The following MEGF11 variants were observed in gnomAD, a reference collection of about 807,000 sequenced individuals.
MEGF11 encodes multiple epidermal growth factor-like domains protein 11.
In MEGF11, 126 loss-of-function variants were observed where a neutral mutation model predicts 146.6. The observed-to-expected ratio is 0.86, with a 90% confidence interval of 0.74 to 1.00. The LOEUF (loss-of-function observed/expected upper bound fraction) is 1.00, where lower values mean the gene tolerates loss of function less well. Among genes scored for constraint, MEGF11 ranks in the 50% least tolerant of loss-of-function variants. The pLI, the probability that MEGF11 is intolerant of heterozygous loss-of-function variation, is 0.00. For missense variants in MEGF11, 1,509 were observed against 1,521.2 expected, an observed-to-expected ratio of 0.99 and a Z score of 0.13; for synonymous variants, 532 against 583.4, an observed-to-expected ratio of 0.91 and a Z score of 1.27.
intron 1 of MEGF11, among the ~76,000 whole-genome samples, chr15:66,236,763 G>A (rs757398457): frequency 2.2e-4 from 34 of 152,078 alleles, no homozygotes; most frequent in Non-Finnish European, 3.8e-4. Flanking sequence ...TCCTGCCCCT[G>A]CTCAGCATCC....
Position 65,937,309 on chromosome 15 carries a change from C to CA in MEGF11, c.1288-6367dup, listed in dbSNP as rs1447005465. ...TGTGAGCTGGGGAGTTTGCATTTGGCATGTCATGTGCTTTGCTTAGCCTAG... is the reference window on the plus strand; with the variant it reads ...TGTGAGCTGGGGAGTTTGCATTTGGCAATGTCATGTGCTTTGCTTAGCCTAG... On this transcript the variant is annotated intron_variant, in intron 10 of 25. Coordinates refer to ENST00000395614, the MANE Select transcript of MEGF11 (RefSeq NM_001385028.1). Among the ~76,000 whole-genome samples, 3 of 152,310 alleles carry CA rather than the reference C, an allele frequency of 2.0e-5. No individual in the cohort carries two copies. In the East Asian group the frequency reaches 5.8e-4, roughly 29 times the overall value.
chr15:65,974,074 T>C (rs1368440065), intron 7 of MEGF11, among the ~76,000 whole-genome samples: 1 of 152,214 alleles, frequency 6.6e-6, no homozygotes, highest in Non-Finnish European at 1.5e-5. Flanking sequence ...GTTCCTCCAA[T>C]TAATTAATCA....
Position 65,922,903 on chromosome 15 carries a change from C to G in MEGF11, c.1742G>C (p.Cys581Ser), listed in dbSNP as rs201935452. ...WGPNCSVSCS[C>S]ENGGSCSPED... Reference sequence around the variant, plus strand: ...TGGGGAGCAGGAGCCTCCATTCTCACAGCTGCAGGAGACAGAGCAGTTGGG... The same window carrying G: ...TGGGGAGCAGGAGCCTCCATTCTCAGAGCTGCAGGAGACAGAGCAGTTGGG... The change falls in exon 14 of 26, where the codon TGT becomes TCT. Residue 581 changes from cysteine (C) to serine (S), a missense_variant. Transcript: ENST00000395614. The G allele has an allele frequency of 2.5e-4, 401 of 1,613,172 alleles. No individual in the cohort carries two copies. Among genetic ancestry groups the G allele is most frequent in the Non-Finnish European group, 3.0e-4 (357 of 1,179,722 alleles).
intron 5 of MEGF11, among the ~76,000 whole-genome samples, chr15:66,088,678 G>A (rs921671926): frequency 6.6e-6 from 1 of 150,890 alleles, no homozygotes. Context: ...AGGAAATTCC[G>A]ACACATGCTA....
intron 8 of MEGF11, among the ~76,000 whole-genome samples, chr15:65,967,363 T>C (rs369831628): frequency 2.0e-5 from 3 of 152,164 alleles, no homozygotes; most frequent in East Asian, 3.9e-4. Flanking sequence ...TTTAAGGAGT[T>C]AGTGTTTTAA....
At chr15:66,065,611 T>G (rs545189859) in intron 5 of MEGF11, among the ~76,000 whole-genome samples, 3 of 152,314 alleles carry the variant, frequency 2.0e-5, no homozygotes, top group Admixed American at 2.0e-4. Context: ...GAGGTGCCCT[T>G]GAAGTCCCAT....
intron 1 of MEGF11, among the ~76,000 whole-genome samples, chr15:66,211,086 C>A (rs540867604): frequency 5.4e-4 from 83 of 152,332 alleles, no homozygotes; most frequent in African/African-American, 1.8e-3. Context: ...CCAAAGACCA[C>A]TCCAAGGTGC....
At chr15:66,107,831 C>T (rs2087171077) in intron 4 of MEGF11, among the ~76,000 whole-genome samples, 1 of 152,218 alleles carries the variant, frequency 6.6e-6, no homozygotes, top group East Asian at 1.9e-4. Context: ...CTGCACGTTC[C>T]AGCACTGGGC....
intron 1 of MEGF11, among the ~76,000 whole-genome samples, chr15:66,218,305 C>T (rs1028628049): frequency 6.6e-6 from 1 of 152,188 alleles, no homozygotes; most frequent in African/African-American, 2.4e-5. Context: ...AAAGCCTGTT[C>T]CCAGGGCCAC....
Position 66,218,978 on chromosome 15 carries a change from G to GT in MEGF11, c.-9+34626_-9+34627insA, listed in dbSNP as rs1288273977. ...TATCAGAACAACTGGATATCCACAG[G>GT]CAAAAAAAAAAAAAAAAACCTTAAC... On this transcript the variant is annotated intron_variant, in intron 1 of 25. Coordinates refer to ENST00000395614, the MANE Select transcript of MEGF11 (RefSeq NM_001385028.1). Among the ~76,000 whole-genome samples, 221 of 22,568 alleles carry GT rather than the reference G, an allele frequency of 9.8e-3. 4 individuals are homozygous for GT. The highest frequency in any genetic ancestry group is 0.039 in the African/African-American group (92 of 2,330). The allele number at this position is 22,568 out of a possible 152,430, so 14.8% of individuals were successfully genotyped here.
rs550206763 is a variant in MEGF11 at position 66,041,670 on chromosome 15, C to T, written c.394+52732G>A. Among the ~76,000 whole-genome samples, 13 of 152,290 alleles carry T rather than the reference C, an allele frequency of 8.5e-5. No individual in the cohort carries two copies. The East Asian group carries it at 1.5e-3, about 18-fold the overall frequency. On this transcript the variant is annotated intron_variant, in intron 5 of 25. Coordinates refer to ENST00000395614, the MANE Select transcript of MEGF11 (RefSeq NM_001385028.1). The stretch of plus-strand genomic sequence containing the variant: ...CTCCAATAGCAGAGTGGAATCGTTG[C>T]GACAGAAACCTTGTATGTGGTTTGC...
At chr15:66,098,783 G>A (rs1023771211) in intron 4 of MEGF11, among the ~76,000 whole-genome samples, 2 of 152,248 alleles carry the variant, frequency 1.3e-5, no homozygotes, top group African/African-American at 2.4e-5. Context: ...TGCTTAGCAT[G>A]AGTGATTCTG....
rs1317646470 is a variant in MEGF11 at position 65,930,923 on chromosome 15, G to A, written c.1308C>T (p.Ser436=). 6.2e-7 allele frequency: 1 copy of A among 1,607,046 alleles called. No homozygotes were observed. Among genetic ancestry groups the A allele is most frequent in the Admixed American group, 1.7e-5 (1 of 59,218 alleles). The change falls in exon 11 of 26, where the codon TCC becomes TCT. Residue 436 remains serine, a synonymous_variant. Coordinates refer to ENST00000395614, the MANE Select transcript of MEGF11 (RefSeq NM_001385028.1). ...PGFMGEVCAV[S]CAAGTYGPNC... ...TGGGGCCATAGGTCCCTGCTGCACA[G>A]GAAACGGCACAGACCTCTCCCTGGA... is the stretch of plus-strand genomic sequence containing the variant.
At chr15:66,252,380 C>T (rs1191634882) in intron 1 of MEGF11, among the ~76,000 whole-genome samples, 1 of 152,236 alleles carries the variant, frequency 6.6e-6, no homozygotes, top group African/African-American at 2.4e-5. Flanking sequence ...TCCAACCCGC[C>T]GCAGGCCCTG....
chr15:66,169,109 A>C (rs1338200453), intron 1 of MEGF11, among the ~76,000 whole-genome samples: 5 of 152,260 alleles, frequency 3.3e-5, no homozygotes, highest in African/African-American at 1.2e-4. Flanking sequence ...GTTAGACTGC[A>C]CTATCTGGTC....
chr15:66,149,572 C>G (rs968031258), intron 1 of MEGF11, among the ~76,000 whole-genome samples: 1 of 152,180 alleles, frequency 6.6e-6, no homozygotes, highest in African/African-American at 2.4e-5. Context: ...GAGCTCTGAG[C>G]TGGACAGACC....
chr15:66,157,771 A>G (rs116971511), intron 1 of MEGF11, among the ~76,000 whole-genome samples: 2,487 of 152,370 alleles, frequency 0.016, 21 homozygotes, highest in African/African-American at 0.018. Flanking sequence ...AGCCAAAGCC[A>G]GCAGCTTTAA....
chr15:66,189,197 T>C (rs1338969405), intron 1 of MEGF11, among the ~76,000 whole-genome samples: 1 of 152,212 alleles, frequency 6.6e-6, no homozygotes, highest in Non-Finnish European at 1.5e-5. Flanking sequence ...GACAGTCACT[T>C]GTGTTCTGCG....
intron 5 of MEGF11, among the ~76,000 whole-genome samples, chr15:66,046,383 A>G: frequency 6.6e-6 from 1 of 152,040 alleles, no homozygotes; most frequent in Non-Finnish European, 1.5e-5. Flanking sequence ...CACACCCCAG[A>G]CTCCAGAAGT....
Sources: gnomAD v4.1 joint callset for allele counts (sites outside exome capture counted in the v4.1 genomes callset) on GRCh38, gnomAD v4.1.1 for gene constraint, MANE v1.5 for transcripts, NCBI Gene and HGNC (gene_info 2026-07-23, HGNC 2026-07-21) for gene names.